IQCH: variants seen among roughly 807,000 people sequenced by gnomAD.
IQCH encodes IQ motif containing H, also known as IQ domain-containing protein H.
Under a neutral mutation model 117.0 loss-of-function variants are expected in IQCH, and 98 were observed. The observed-to-expected ratio is 0.84, with a 90% CI of 0.71 to 0.99. IQCH has a LOEUF of 0.99. Among genes scored for constraint, IQCH ranks in the 50% least tolerant of loss-of-function variants. IQCH has a pLI of 0.00. For synonymous variants in IQCH, 412 were observed against 448.2 expected (o/e 0.92, Z 1.02); for missense variants, 1,102 against 1,243.8 (o/e 0.89, Z 1.72).
intron 14 of IQCH, among the ~76,000 whole-genome samples, chr15:67,414,212 G>A (rs2081518283): frequency 6.6e-6 from 1 of 152,192 alleles, no homozygotes; most frequent in Non-Finnish European, 1.5e-5. Flanking sequence ...CAGCTTTAAG[G>A]ACTACGTCCT....
Position 67,418,577 on chromosome 15 carries a change from CT to C in IQCH, c.2218+1544del, listed in dbSNP as rs1174414517. Among the ~76,000 whole-genome samples, 87 of 103,392 alleles carry C rather than the reference CT, an allele frequency of 8.4e-4. 1 individual carries two copies. The highest frequency in any genetic ancestry group is 2.6e-3 in the Admixed American group (23 of 8,986). 67.8% of individuals were successfully genotyped at this position (103,392 alleles called of 152,430 possible). On this transcript the variant is annotated intron_variant, in intron 15 of 20. Coordinates refer to ENST00000335894, the MANE Select transcript of IQCH (RefSeq NM_001031715.3). The stretch of plus-strand genomic sequence containing the variant: ...CAAGATCAATAATAGGGTGTTTTTA[CT>C]TTTTTTTTTTTTTTTTTGAGATGGA...
rs2081353143 is a variant in IQCH at position 67,408,030 on chromosome 15, T to C, written c.2097+7725T>C. 6.6e-6 allele frequency: 1 copy of C among 152,250 alleles called. No homozygotes were observed. Among genetic ancestry groups the C allele is most frequent in the Non-Finnish European group, 1.5e-5 (1 of 68,054 alleles). 9.4% of individuals were successfully genotyped at this position (152,250 alleles called of 1,614,324 possible). On this transcript the variant is annotated intron_variant, in intron 14 of 20. Transcript: ENST00000335894. The surrounding 1 kb of genome is among the most constrained non-coding windows in gnomAD (Gnocchi z 4.2). ...TGGGGACTGGAGGAGAGGCAAATGC[T>C]TGAAAACAGCAGTGAGGCGCTATCG...
Position 67,479,426 on chromosome 15 carries a change from G to A in IQCH, c.2799+3608G>A, listed in dbSNP as rs769222918. 3.3e-5 allele frequency among the ~76,000 whole-genome samples: 5 copies of A among 152,088 alleles called. No homozygotes were observed. The highest frequency in any genetic ancestry group is 7.4e-5 in the Non-Finnish European group (5 of 68,014). On this transcript the variant is annotated intron_variant, in intron 18 of 20. Transcript: ENST00000335894. The surrounding 1 kb of genome is among the most constrained non-coding windows in gnomAD (Gnocchi z 4.6). The stretch of plus-strand genomic sequence containing the variant: ...ATAAGCCCTTTTCCCCCTAAGGACT[G>A]TTTCCCACCAACTGTCTCTATTTCT...
intron 3 of IQCH, among the ~76,000 whole-genome samples, chr15:67,278,800 A>G (rs1391256323): frequency 1.3e-5 from 2 of 152,204 alleles, no homozygotes; most frequent in Admixed American, 6.5e-5. Flanking sequence ...ATAATCTTAA[A>G]GATCTTGAAC....
intron 12 of IQCH, among the ~76,000 whole-genome samples, chr15:67,389,873 C>CAA (rs578055176): frequency 6.8e-5 from 3 of 44,352 alleles, no homozygotes; most frequent in African/African-American, 8.6e-5. Context: ...ATGATTTGAC[C>CAA]AAAAAAAAAA....
chr15:67,302,967 C>T (rs1967124166), intron 4 of IQCH, among the ~76,000 whole-genome samples: 1 of 152,200 alleles, frequency 6.6e-6, no homozygotes, highest in Non-Finnish European at 1.5e-5. Context: ...ATCTAGCATA[C>T]ATTCTGTAGA....
chr15:67,331,950 A>G (rs1480780141), intron 4 of IQCH, among the ~76,000 whole-genome samples: 1 of 152,206 alleles, frequency 6.6e-6, no homozygotes, highest in Non-Finnish European at 1.5e-5. Flanking sequence ...ACATTTAGCC[A>G]CAGGGGATGC....
intron 4 of IQCH, among the ~76,000 whole-genome samples, chr15:67,308,686 G>A (rs1967432136): frequency 6.6e-6 from 1 of 152,044 alleles, no homozygotes; most frequent in South Asian, 2.1e-4. Context: ...TGAAGGTGGT[G>A]GTGGTGGTGG....
intron 10 of IQCH, among the ~76,000 whole-genome samples, chr15:67,378,390 T>C (rs192655347): frequency 6.0e-5 from 9 of 150,936 alleles, no homozygotes; most frequent in South Asian, 2.1e-4. Context: ...AATAAAATCT[T>C]TGCAGTCTTC....
intron 4 of IQCH, among the ~76,000 whole-genome samples, chr15:67,286,105 A>G (rs2140490255): frequency 6.6e-6 from 1 of 152,170 alleles, no homozygotes; most frequent in East Asian, 1.9e-4. Flanking sequence ...ATCCTTTTCA[A>G]TTTCTTCCAT....
chr15:67,311,037 C>T (rs971631350), intron 4 of IQCH, among the ~76,000 whole-genome samples: 2 of 152,210 alleles, frequency 1.3e-5, no homozygotes, highest in East Asian at 3.9e-4. Context: ...TTAACCCTTA[C>T]ACCTCTAAGT....
intron 4 of IQCH, among the ~76,000 whole-genome samples, chr15:67,303,078 A>C (rs140933701): frequency 6.6e-6 from 1 of 152,208 alleles, no homozygotes; most frequent in African/African-American, 2.4e-5. Context: ...TCCAATTCCT[A>C]CAACATTTTA....
At chr15:67,371,531 A>G in intron 8 of IQCH, 1 of 1,550,822 alleles carries the variant, frequency 6.4e-7, no homozygotes, top group Non-Finnish European at 8.9e-7. Flanking sequence ...AAGAATGACA[A>G]AGGTGATAAC....
In IQCH at chr15:67,426,417, C is replaced by T. The variant is rs1323021288; in HGVS notation, c.2505+4840C>T. Among the ~76,000 whole-genome samples, 1 of 152,128 alleles carries T rather than the reference C, an allele frequency of 6.6e-6. No individual in the cohort carries two copies. The highest frequency in any genetic ancestry group is 1.5e-5 in the Non-Finnish European group (1 of 68,020). On this transcript the variant is annotated intron_variant, in intron 16 of 20. Coordinates refer to ENST00000335894, the MANE Select transcript of IQCH (RefSeq NM_001031715.3). The surrounding 1 kb of genome is among the most constrained non-coding windows in gnomAD (Gnocchi z 5.1). ...TTCTTTCTAGAATTCCCCTTTTCCA[C>T]ACTTAAAAGTAAATATCTTGATGGA... is the stretch of plus-strand genomic sequence containing the variant.
intron 7 of IQCH, 122 bp downstream of exon 7, chr15:67,357,543 C>A: frequency 1.4e-6 from 1 of 703,836 alleles, no homozygotes; most frequent in Non-Finnish European, 2.6e-6. Context: ...GCTATTTCAG[C>A]TGCTGCTGGT....
rs529639159 is a variant in IQCH at position 67,494,283 on chromosome 15, G to T, written c.2887G>T (p.Val963Phe). Residue 963 changes from valine to phenylalanine, a missense_variant, in exon 20 of 21, where the codon GTC becomes TTC. Transcript: ENST00000335894. The surrounding 1 kb of genome is among the most constrained non-coding windows in gnomAD (Gnocchi z 5.5). ...MLTIGEDLQG[V>F]LMTFARHLFI... ...AACAATCGGCGAGGATCTCCAGGGG[G>T]TCCTCATGACCTTTGCTCGCCATCT... 8 of 1,611,358 alleles carry T rather than the reference G, an allele frequency of 5.0e-6. No individual in the cohort carries two copies. Among genetic ancestry groups the T allele is most frequent in the Non-Finnish European group, 5.1e-6 (6 of 1,179,320 alleles).
rs2140843761 is a variant in IQCH, at chr15:67,390,507, G to A, written c.1632+1501G>A. ...ACAGTTTCTTTTTTTCTTTTTTTTT[G>A]AGACAGAGTCTCACTCTGTTGCCCA... On this transcript the variant is annotated intron_variant, in intron 12 of 20. Transcript: ENST00000335894. This position sits in a 1 kb window ranked among gnomAD's most constrained non-coding sequence, Gnocchi z 5.0. Among the ~76,000 whole-genome samples, 1 of 149,608 alleles carries A rather than the reference G, an allele frequency of 6.7e-6. No homozygotes were observed. Among genetic ancestry groups the A allele is most frequent in the Non-Finnish European group, 1.5e-5 (1 of 67,368 alleles).
At chr15:67,271,467 A>G (rs189826878) in intron 3 of IQCH, among the ~76,000 whole-genome samples, 4 of 152,070 alleles carry the variant, frequency 2.6e-5, no homozygotes, top group African/African-American at 7.2e-5. Context: ...ATTTTTTTTG[A>G]AGAGTTTGAG....
chr15:67,415,655 T>C (rs1246043397), intron 14 of IQCH, among the ~76,000 whole-genome samples: 1 of 151,974 alleles, frequency 6.6e-6, no homozygotes, highest in East Asian at 1.9e-4. Flanking sequence ...GGTAGGGAAA[T>C]TGGAAATAAG....
Sources: gnomAD v4.1 joint callset for allele counts (sites outside exome capture counted in the v4.1 genomes callset) on GRCh38, gnomAD v4.1.1 for gene constraint, Gnocchi (gnomAD v3.1) non-coding constraint, MANE v1.5 for transcripts, NCBI Gene and HGNC (gene_info 2026-07-23, HGNC 2026-07-21) for gene names.